CPLX1: variants seen among roughly 807,000 people sequenced by gnomAD.
The protein encoded by CPLX1 is complexin 1.
Under a neutral mutation model 15.6 loss-of-function variants are expected in CPLX1, and 6 were observed. The observed-to-expected ratio is 0.39, with a 90% CI of 0.21 to 0.76. The LOEUF (loss-of-function observed/expected upper bound fraction) is 0.76, where lower values mean the gene tolerates loss of function less well. Among genes scored for constraint, CPLX1 ranks in the 30% least tolerant of loss-of-function variants. The pLI, the probability that CPLX1 is intolerant of heterozygous loss-of-function variation, is 0.43. For missense variants in CPLX1, 242 were observed against 188.6 expected, an observed-to-expected ratio of 1.28 and a Z score of -1.66; for synonymous variants, 91 against 75.2, an observed-to-expected ratio of 1.21 and a Z score of -1.08.
chr4:819,015 C>T (rs756078277), intron 2 of CPLX1, among the ~76,000 whole-genome samples: 3 of 152,216 alleles, frequency 2.0e-5, no homozygotes, highest in East Asian at 1.9e-4. Context: ...ATCAGATTTG[C>T]GTGGACTCAA....
chr4:786,891 C>A (rs777440472), intron 3 of CPLX1, 193 bp from the exon 4 acceptor site: 11 of 980,882 alleles, frequency 1.1e-5, no homozygotes, highest in Non-Finnish European at 1.3e-5. Context: ...GAAGCCCCCA[C>A]GGAGAATGGG....
At chr4:788,530 G>A (rs914020630) in intron 3 of CPLX1, 2 of 985,470 alleles carry the variant, frequency 2.0e-6, no homozygotes, top group Non-Finnish European at 2.4e-6. Flanking sequence ...AGAGCACAGG[G>A]TAGGAACGTT....
At position 786,389 on chromosome 4, in the gene CPLX1, C is replaced by A; in HGVS notation, c.*112G>T. ...GGGCGCGGGCAGGGCGGGCCTGGGG[C>A]TATGGCTTATATCGGCGTGGGGGCT... is the stretch of plus-strand genomic sequence containing the variant. On this transcript the variant is annotated 3_prime_UTR_variant, in exon 4 of 4. Coordinates refer to ENST00000304062, the MANE Select transcript of CPLX1 (RefSeq NM_006651.4). The A allele has an allele frequency of 8.0e-7, 1 of 1,251,780 alleles. No individual in the cohort carries two copies. The highest frequency in any genetic ancestry group is 1.6e-5 in the South Asian group (1 of 61,144). The allele number at this position is 1,251,780 out of a possible 1,614,324, so 77.5% of individuals were successfully genotyped here. A position where few individuals can be genotyped will look rare whatever the true frequency, so the allele number is the denominator to read the frequency against.
rs566929126 is a variant in CPLX1 at position 820,119 on chromosome 4, T to C, written c.31+4373A>G. On this transcript the variant is annotated intron_variant, in intron 2 of 3. Coordinates refer to ENST00000304062, the MANE Select transcript of CPLX1 (RefSeq NM_006651.4). ...CCTGCAGCTCCACCGTCCTCCCAGG[T>C]CCAGCTCAGCCCAGCCTGCAGCTCC... Among the ~76,000 whole-genome samples the C allele has an allele frequency of 5.3e-5, 8 of 150,616 alleles. No homozygotes were observed. In the South Asian group the frequency reaches 6.4e-4, roughly 12 times the overall value.
intron 2 of CPLX1, among the ~76,000 whole-genome samples, chr4:800,151 G>A (rs150376945): frequency 3.5e-4 from 54 of 152,268 alleles, no homozygotes; most frequent in Non-Finnish European, 3.1e-4. Context: ...CGGACTGACT[G>A]CTTGCTTGGT....
At chr4:800,246 T>C (rs1160749533) in intron 2 of CPLX1, among the ~76,000 whole-genome samples, 1 of 152,230 alleles carries the variant, frequency 6.6e-6, no homozygotes, top group East Asian at 1.9e-4. Flanking sequence ...GGAAAAACAG[T>C]TTGAGTTTTT....
chr4:796,752 C>G (rs1355158216), intron 2 of CPLX1, among the ~76,000 whole-genome samples: 3 of 152,192 alleles, frequency 2.0e-5, no homozygotes, highest in Admixed American at 6.5e-5. Context: ...CCCCAAACTC[C>G]GAAGAATTAA....
At chr4:819,465 G>A (rs529849002) in intron 2 of CPLX1, among the ~76,000 whole-genome samples, 4 of 152,240 alleles carry the variant, frequency 2.6e-5, no homozygotes, top group South Asian at 4.1e-4. Context: ...CGACCACACG[G>A]CGTTTGTGAA....
At chr4:817,905 C>T (rs1013740994) in intron 2 of CPLX1, among the ~76,000 whole-genome samples, 6 of 152,126 alleles carry the variant, frequency 3.9e-5, no homozygotes, top group Non-Finnish European at 8.8e-5. Context: ...GAATATTTTC[C>T]CCATCCGGTG....
Position 786,351 on chromosome 4 carries a change from T to G in CPLX1, c.*150A>C. 2 of 780,404 alleles carry G rather than the reference T, an allele frequency of 2.6e-6. No individual in the cohort carries two copies. Among genetic ancestry groups the G allele is most frequent in the Non-Finnish European group, 1.8e-6 (1 of 546,114 alleles). The allele number at this position is 780,404 out of a possible 1,614,324, so 48.3% of individuals were successfully genotyped here. A position where few individuals can be genotyped will look rare whatever the true frequency, so the allele number is the denominator to read the frequency against. ...CTGGGGGCGCGCGCCCCTTGCCGGGTGAGGGAGGCGGCGGGCGCGGGCAGG... is the reference window on the plus strand; with the variant it reads ...CTGGGGGCGCGCGCCCCTTGCCGGGGGAGGGAGGCGGCGGGCGCGGGCAGG... On this transcript the variant is annotated 3_prime_UTR_variant, in exon 4 of 4. Transcript: ENST00000304062.
At chr4:787,250 C>G (rs1746025367) in intron 3 of CPLX1, 15 of 985,258 alleles carry the variant, frequency 1.5e-5, no homozygotes, top group Non-Finnish European at 1.7e-5. Context: ...GGGTCCTGGG[C>G]TGCGGTCACT....
chr4:803,536 G>A (rs1746498116), intron 2 of CPLX1, among the ~76,000 whole-genome samples: 1 of 151,912 alleles, frequency 6.6e-6, no homozygotes, highest in East Asian at 1.9e-4. Context: ...GACTGCAGGC[G>A]TCCGCCACCG....
chr4:803,771 G>A (rs895106247), intron 2 of CPLX1, among the ~76,000 whole-genome samples: 3 of 152,164 alleles, frequency 2.0e-5, no homozygotes, highest in Non-Finnish European at 4.4e-5. Flanking sequence ...CTGGGTTCAA[G>A]CCATTCTTGT....
chr4:804,079 T>C (rs1746510273), intron 2 of CPLX1, among the ~76,000 whole-genome samples: 1 of 152,224 alleles, frequency 6.6e-6, no homozygotes, highest in South Asian at 2.1e-4. Context: ...GGAACAATGG[T>C]TGCACCACAC....
intron 2 of CPLX1, among the ~76,000 whole-genome samples, chr4:804,216 T>C (rs1003135006): frequency 6.6e-6 from 1 of 152,180 alleles, no homozygotes; most frequent in Non-Finnish European, 1.5e-5. Context: ...AGACAGCCAA[T>C]TATCTCTTTC....
chr4:795,168 C>T (rs1746295530), intron 2 of CPLX1, among the ~76,000 whole-genome samples: 1 of 152,266 alleles, frequency 6.6e-6, no homozygotes, highest in Non-Finnish European at 1.5e-5. Flanking sequence ...GAGGCGCCTC[C>T]AGAACCACTT....
At chr4:796,509 T>C (rs1420225574) in intron 2 of CPLX1, among the ~76,000 whole-genome samples, 1 of 152,188 alleles carries the variant, frequency 6.6e-6, no homozygotes, top group Non-Finnish European at 1.5e-5. Flanking sequence ...GGTCTCGAAC[T>C]CCTGACTGCC....
At chr4:824,253 A>G (rs1258401584) in intron 2 of CPLX1, among the ~76,000 whole-genome samples, 2 of 152,248 alleles carry the variant, frequency 1.3e-5, no homozygotes, top group African/African-American at 2.4e-5. Context: ...GAGTGAGCTT[A>G]CAGGGCAGCC....
chr4:818,040 G>A (rs551723947), intron 2 of CPLX1, among the ~76,000 whole-genome samples: 5 of 152,374 alleles, frequency 3.3e-5, no homozygotes, highest in African/African-American at 1.2e-4. Flanking sequence ...TCAGAAGAAT[G>A]ACCACAGGTG....
Sources: allele counts gnomAD v4.1 joint callset (sites outside exome capture counted in the v4.1 genomes callset), GRCh38; gene constraint gnomAD v4.1.1; transcripts MANE v1.5; gene names NCBI Gene and HGNC (gene_info 2026-07-23, HGNC 2026-07-21).